Variants in DAB1 observed in about 807,000 individuals in gnomAD.
The protein encoded by DAB1 is disabled homolog 1.
A neutral mutation model predicts 64.6 loss-of-function variants in DAB1; 15 were observed. The ratio of observed to expected loss-of-function variants is 0.23; its 90% CI spans 0.16 to 0.36. DAB1 has a LOEUF of 0.36. Ranked by LOEUF, DAB1 falls within the 10% of genes least tolerant of loss-of-function variation. The pLI is 1.00. For synonymous variants in DAB1, 235 were observed against 251.9 expected (o/e 0.93, Z 0.64); for missense variants, 596 against 706.7 (o/e 0.84, Z 1.78).
intron 1 of DAB1, chr1:57,875,238 T>C (rs1644023626): frequency 6.6e-6 from 1 of 152,250 alleles, no homozygotes; most frequent in Non-Finnish European, 1.5e-5. Flanking sequence ...AAGTTCCTTA[T>C]GTCTGGTTCT....
intron 4 of DAB1, among the ~76,000 whole-genome samples, chr1:57,084,426 C>T (rs1443384668): frequency 6.6e-6 from 1 of 152,184 alleles, no homozygotes; most frequent in Non-Finnish European, 1.5e-5. Flanking sequence ...GGCTCTAAAA[C>T]TATACAACAA....
intron 7 of DAB1, among the ~76,000 whole-genome samples, chr1:57,458,859 T>C (rs1323513547): frequency 6.6e-6 from 1 of 151,966 alleles, no homozygotes; most frequent in East Asian, 1.9e-4. Flanking sequence ...AAAACCAAAA[T>C]TGATGTTTAA....
chr1:57,417,734 T>C (rs1041823980), intron 1 of DAB1, among the ~76,000 whole-genome samples: 2 of 152,162 alleles, frequency 1.3e-5, no homozygotes, highest in Non-Finnish European at 2.9e-5. Context: ...TAGGGGACAT[T>C]AGTGTTTCCT....
At chr1:58,299,891 A>C (rs1461847794) in intron 4 of DAB1, among the ~76,000 whole-genome samples, 2 of 152,096 alleles carry the variant, frequency 1.3e-5, no homozygotes, top group Non-Finnish European at 2.9e-5. Context: ...GTCCCTCCAC[A>C]TGCTTCCTGG....
chr1:57,102,895 C>T (rs144243158), intron 4 of DAB1, among the ~76,000 whole-genome samples: 1 of 152,144 alleles, frequency 6.6e-6, no homozygotes, highest in Non-Finnish European at 1.5e-5. Context: ...CTGCATCGTG[C>T]CAGGCCCAAG....
chr1:58,163,186 G>A (rs189026001), intron 4 of DAB1, among the ~76,000 whole-genome samples: 13 of 152,334 alleles, frequency 8.5e-5, no homozygotes, highest in Non-Finnish European at 1.5e-4. Context: ...CTAAGAGGGA[G>A]CCAGTGGACA....
intron 1 of DAB1, among the ~76,000 whole-genome samples, chr1:57,319,016 G>T (rs944821565): frequency 1.3e-5 from 2 of 152,142 alleles, no homozygotes; most frequent in African/African-American, 4.8e-5. Flanking sequence ...TCTAACCACT[G>T]AGGGTGAAAG....
chr1:57,231,577 C>T (rs945481395), intron 2 of DAB1, among the ~76,000 whole-genome samples: 2 of 152,134 alleles, frequency 1.3e-5, no homozygotes, highest in African/African-American at 2.4e-5. Context: ...CAGAGCTAAG[C>T]GCTTTACATA....
At chr1:57,741,476 G>C (rs902211325) in intron 6 of DAB1, among the ~76,000 whole-genome samples, 4 of 152,088 alleles carry the variant, frequency 2.6e-5, no homozygotes, top group African/African-American at 9.7e-5. Context: ...CCTGTTCCAA[G>C]AATATGTACA....
intron 5 of DAB1, among the ~76,000 whole-genome samples, chr1:58,118,550 CATATATATAAAAT>C (rs1557657919): frequency 1.2e-4 from 10 of 80,344 alleles, no homozygotes; most frequent in African/African-American, 5.6e-4. Context: ...CATATATATA[CATATATATAAAAT>C]ACATATATAT....
intron 4 of DAB1, among the ~76,000 whole-genome samples, chr1:57,114,468 G>GA (rs201851528): frequency 2.1e-4 from 32 of 150,680 alleles, no homozygotes; most frequent in African/African-American, 7.3e-4. Context: ...ATGTTAAGAA[G>GA]AAAAAAAAAG....
intron 7 of DAB1, among the ~76,000 whole-genome samples, chr1:57,614,868 C>CTTTTTTTTTTTTTTTTTTT (rs34907824): frequency 1.5e-4 from 6 of 38,738 alleles, no homozygotes; most frequent in African/African-American, 2.9e-4. Context: ...TTCTTTCTTT[C>CTTTTTTTTTTTTTTTTTTT]TTTTTTTTTT....
chr1:57,966,454 C>T (rs1645668137), intron 5 of DAB1, among the ~76,000 whole-genome samples: 1 of 152,142 alleles, frequency 6.6e-6, no homozygotes, highest in Non-Finnish European at 1.5e-5. Context: ...CAGCCAACAT[C>T]CAGCACCCAC....
intron 1 of DAB1, among the ~76,000 whole-genome samples, chr1:57,296,123 T>C (rs1381869935): frequency 2.6e-5 from 4 of 152,044 alleles, no homozygotes; most frequent in African/African-American, 7.2e-5. Context: ...CGATGTTCTA[T>C]AGAATGGAGC....
At chr1:57,733,887 C>A (rs906238449) in intron 6 of DAB1, among the ~76,000 whole-genome samples, 1 of 151,934 alleles carries the variant, frequency 6.6e-6, no homozygotes, top group Non-Finnish European at 1.5e-5. Context: ...GAAGAAGCAG[C>A]ACAGGGAAGG....
At chr1:58,295,015 T>C (rs1287079479) in intron 4 of DAB1, among the ~76,000 whole-genome samples, 3 of 152,020 alleles carry the variant, frequency 2.0e-5, no homozygotes, top group Admixed American at 6.6e-5. Flanking sequence ...AGCAAAGCAC[T>C]TTATGGGGAA....
At chr1:58,510,232 CA>C (rs1397611200) in intron 2 of DAB1, among the ~76,000 whole-genome samples, 1 of 151,896 alleles carries the variant, frequency 6.6e-6, no homozygotes, top group African/African-American at 2.4e-5. Context: ...AAATTCTTAA[CA>C]AAATACTAGC....
intron 2 of DAB1, among the ~76,000 whole-genome samples, chr1:58,517,256 T>C (rs1646171790): frequency 6.6e-6 from 1 of 152,184 alleles, no homozygotes; most frequent in South Asian, 2.1e-4. Flanking sequence ...AGGTGTAAAA[T>C]CCTTAAAATT....
intron 1 of DAB1, among the ~76,000 whole-genome samples, chr1:57,406,603 C>G (rs1434397951): frequency 6.6e-6 from 1 of 152,194 alleles, no homozygotes; most frequent in East Asian, 1.9e-4. Context: ...TCCTCCTCAT[C>G]ACCATCATCT....
Sources: gnomAD v4.1 joint callset for allele counts (sites outside exome capture counted in the v4.1 genomes callset) on GRCh38, gnomAD v4.1.1 for gene constraint, MANE v1.5 for transcripts, NCBI Gene and HGNC (gene_info 2026-07-23, HGNC 2026-07-21) for gene names.